PCDHGC3: variants seen among roughly 807,000 people sequenced by gnomAD.
PCDHGC3 encodes protocadherin gamma subfamily C, 3.
PCDHGC3 carries 26 observed loss-of-function variants against 59.2 expected under a neutral mutation model. That is an observed-to-expected ratio of 0.44 (90% CI 0.32 to 0.61). PCDHGC3 has a LOEUF of 0.61. PCDHGC3 is among the 20% of genes least tolerant of loss of function. The pLI is 0.05. For missense variants in PCDHGC3, 1,080 were observed against 1,221.8 expected (o/e 0.88, Z 1.73); for synonymous variants, 487 against 519.7 (o/e 0.94, Z 0.86).
In PCDHGC3 at chr5:141,485,979, C is replaced by G; in HGVS notation, c.2430+7433C>G. 1 of 1,614,182 alleles carries G rather than the reference C, an allele frequency of 6.2e-7. No individual in the cohort carries two copies. Among genetic ancestry groups the G allele is most frequent in the Non-Finnish European group, 8.5e-7 (1 of 1,180,022 alleles). On this transcript the variant is annotated intron_variant, in intron 1 of 3. Coordinates refer to ENST00000308177, the MANE Select transcript of PCDHGC3 (RefSeq NM_002588.4). The surrounding 1 kb of genome is among the most constrained non-coding windows in gnomAD (Gnocchi z 5.7). ...CTCATCCAGCTCAATGCCTCAGACC[C>G]GGACCTGGGTCCCAGTGGTAACGTC...
At chr5:141,497,713 T>C (rs1357797720) in intron 2 of PCDHGC3, among the ~76,000 whole-genome samples, 3 of 152,084 alleles carry the variant, frequency 2.0e-5, no homozygotes, top group Non-Finnish European at 1.5e-5. Context: ...CTCATTTTTG[T>C]ATTTTTAGTA....
At chr5:141,494,181 C>T (rs2099752517) in intron 1 of PCDHGC3, among the ~76,000 whole-genome samples, 1 of 152,136 alleles carries the variant, frequency 6.6e-6, no homozygotes, top group Non-Finnish European at 1.5e-5. Flanking sequence ...GAGAAGTGTC[C>T]CGGGACTTGG....
intron 1 of PCDHGC3, among the ~76,000 whole-genome samples, chr5:141,484,389 G>A (rs1336850919): frequency 6.6e-6 from 1 of 152,140 alleles, no homozygotes; most frequent in Non-Finnish European, 1.5e-5. Flanking sequence ...GAATAAGAAA[G>A]GTTTGGTTTC....
rs951502238 is a variant in PCDHGC3 at position 141,478,263 on chromosome 5, A to G, written c.2147A>G (p.Lys716Arg). ...ACAGTGTTCGGAGTAATCATATTCA[A>G]AGTTTACAAGTGGAAGCAGTCTAGA... ...VVTVFGVIIF[K>R]VYKWKQSRDL... The change falls in exon 1 of 4, where the codon AAA (lysine) becomes AGA (arginine). Residue 716 changes from lysine (K) to arginine (R), a missense_variant. Lys to Arg is a conservative substitution (Grantham distance 26). Coordinates refer to ENST00000308177, the MANE Select transcript of PCDHGC3 (RefSeq NM_002588.4). The G allele has an allele frequency of 2.5e-6, 4 of 1,614,046 alleles. No individual in the cohort carries two copies. The African/African-American group carries it at 5.3e-5, about 22-fold the overall frequency.
rs891428609 is a variant in PCDHGC3, at chr5:141,503,553, C to T, written c.2490-1840C>T. Among the ~76,000 whole-genome samples the T allele has an allele frequency of 9.4e-5, 14 of 149,164 alleles. No homozygotes were observed. In the East Asian group the frequency reaches 2.2e-3, roughly 23 times the overall value. On this transcript the variant is annotated intron_variant, in intron 2 of 3. Coordinates refer to ENST00000308177, the MANE Select transcript of PCDHGC3 (RefSeq NM_002588.4). ...GGCAGAGGTTGCAGTGAGCCGAGAT[C>T]GCGCCACTGTACTCCAGCCTGGGTG...
chr5:141,487,750 T>A lies in PCDHGC3; in HGVS notation c.2431-7057T>A, dbSNP rs2099664307. On this transcript the variant is annotated intron_variant, in intron 1 of 3. Coordinates refer to ENST00000308177, the MANE Select transcript of PCDHGC3 (RefSeq NM_002588.4). The surrounding 1 kb of genome is among the most constrained non-coding windows in gnomAD (Gnocchi z 5.0). Reference sequence around the variant, plus strand: ...TCACCATTTTTGTAAGAGGTAACTATGTGGTAGACGCTGTGCTTTGTAACT... The same window carrying A: ...TCACCATTTTTGTAAGAGGTAACTAAGTGGTAGACGCTGTGCTTTGTAACT... 1 of 1,555,392 alleles carries A rather than the reference T, an allele frequency of 6.4e-7. No homozygotes were observed. Among genetic ancestry groups the A allele is most frequent in the African/African-American group, 1.4e-5 (1 of 73,376 alleles).
rs2099401367 is a variant in PCDHGC3 at position 141,476,906 on chromosome 5, G to C, written c.790G>C (p.Val264Leu). ...GGATGCACCCTCCGGCACGCGCGTG[G>C]TACAAGTCCTTGCAACGGATCTGGA... is the stretch of plus-strand genomic sequence containing the variant. ...LEDAPSGTRV[V>L]QVLATDLDEG... Residue 264 changes from valine (V) to leucine (L), a missense_variant, in exon 1 of 4, where the codon GTA becomes CTA. Val to Leu is a conservative substitution (Grantham distance 32). Coordinates refer to ENST00000308177, the MANE Select transcript of PCDHGC3 (RefSeq NM_002588.4). The surrounding 1 kb of genome is among the most constrained non-coding windows in gnomAD (Gnocchi z 7.6). 2 of 1,614,050 alleles carry C rather than the reference G, an allele frequency of 1.2e-6. No homozygotes were observed. The highest frequency in any genetic ancestry group is 1.7e-6 in the Non-Finnish European group (2 of 1,180,044).
In PCDHGC3 at chr5:141,489,950, A is replaced by C. The variant is rs1055715796; in HGVS notation, c.2431-4857A>C. 1 of 1,614,192 alleles carries C rather than the reference A, an allele frequency of 6.2e-7. No homozygotes were observed. The highest frequency in any genetic ancestry group is 1.3e-5 in the African/African-American group (1 of 75,060). ...TCTGTCATCGTGCTGGACATCAATG[A>C]TAATGCTCCAACCTTCCAATCCTCA... is the stretch of plus-strand genomic sequence containing the variant. On this transcript the variant is annotated intron_variant, in intron 1 of 3. Coordinates refer to ENST00000308177, the MANE Select transcript of PCDHGC3 (RefSeq NM_002588.4). The surrounding 1 kb of genome is among the most constrained non-coding windows in gnomAD (Gnocchi z 4.5).
chr5:141,498,971 GGGAAGGAAGGAAGGAAGGAAGGAAGGAA>G (rs201769957), intron 2 of PCDHGC3, among the ~76,000 whole-genome samples: 8 of 111,052 alleles, frequency 7.2e-5, no homozygotes, highest in South Asian at 3.8e-4. Flanking sequence ...GAGGGAGGGA[GGGAAGGAAGGAAGGAAGGAAGGAAGGAA>G]GGAAGGAAGG....
Position 141,476,935 on chromosome 5 carries a change from A to G in PCDHGC3, c.819A>G (p.Glu273=). The G allele has an allele frequency of 6.2e-7, 1 of 1,614,166 alleles. No homozygotes were observed. Among genetic ancestry groups the G allele is most frequent in the Non-Finnish European group, 8.5e-7 (1 of 1,180,046 alleles). Reference sequence around the variant, plus strand: ...AAGTCCTTGCAACGGATCTGGATGAAGGCCCCAACGGTGAAATTATTTACT... The same window carrying G: ...AAGTCCTTGCAACGGATCTGGATGAGGGCCCCAACGGTGAAATTATTTACT... The part of the protein sequence containing the change: ...VVQVLATDLD[E]GPNGEIIYSF... Residue 273 remains glutamate (E), a synonymous_variant, in exon 1 of 4, where the codon GAA becomes GAG. Transcript: ENST00000308177. This position sits in a 1 kb window ranked among gnomAD's most constrained non-coding sequence, Gnocchi z 7.6.
At position 141,487,728 on chromosome 5, in the gene PCDHGC3, C is replaced by T. The variant is rs986276637; in HGVS notation, c.2431-7079C>T. 2 of 1,570,444 alleles carry T rather than the reference C, an allele frequency of 1.3e-6. No homozygotes were observed. Among genetic ancestry groups the T allele is most frequent in the East Asian group, 2.3e-5 (1 of 42,866 alleles). ...TCAGTAAGTGCCCATAGTGATGTCA[C>T]CATTTTTGTAAGAGGTAACTATGTG... On this transcript the variant is annotated intron_variant, in intron 1 of 3. Coordinates refer to ENST00000308177, the MANE Select transcript of PCDHGC3 (RefSeq NM_002588.4). The surrounding 1 kb of genome is among the most constrained non-coding windows in gnomAD (Gnocchi z 5.0).
At chr5:141,480,722 C>T (rs1002559431) in intron 1 of PCDHGC3, among the ~76,000 whole-genome samples, 1 of 152,174 alleles carries the variant, frequency 6.6e-6, no homozygotes, top group African/African-American at 2.4e-5. Flanking sequence ...AAAGCACAGT[C>T]TCTGGGGGTG....
chr5:141,488,807 C>G (rs2099679535), intron 1 of PCDHGC3, among the ~76,000 whole-genome samples: 1 of 152,170 alleles, frequency 6.6e-6, no homozygotes, highest in Non-Finnish European at 1.5e-5. Flanking sequence ...TGAGTACCAT[C>G]TGAGCTGTCA....
intron 3 of PCDHGC3, among the ~76,000 whole-genome samples, chr5:141,509,907 C>T (rs149338646): frequency 3.3e-5 from 5 of 152,182 alleles, no homozygotes; most frequent in South Asian, 2.1e-4. Context: ...TTCCAGCATG[C>T]GCTTAGGTAC....
In PCDHGC3 at chr5:141,478,372, G is replaced by A. The variant is rs778468803; in HGVS notation, c.2256G>A (p.Met752Ile). The part of the protein sequence containing the change: ...LHADAVRGGL[M>I]SPHLYHQVYL... ...CGGACGCCGTGCGGGGAGGCCTGAT[G>A]TCGCCGCACCTTTACCATCAGGTGT... Residue 752 changes from methionine (M) to isoleucine (I), a missense_variant, in exon 1 of 4, where the codon ATG becomes ATA. Physicochemically the swap from Met to Ile is conservative, Grantham distance 10 (BLOSUM62 1). Transcript: ENST00000308177. 2 of 1,613,704 alleles carry A rather than the reference G, an allele frequency of 1.2e-6. No homozygotes were observed. Among genetic ancestry groups the A allele is most frequent in the Non-Finnish European group, 8.5e-7 (1 of 1,180,022 alleles).
Position 141,487,623 on chromosome 5 carries a change from CT to C in PCDHGC3, c.2431-7181del. 1 of 1,614,206 alleles carries C rather than the reference CT, an allele frequency of 6.2e-7. No homozygotes were observed. Among genetic ancestry groups the C allele is most frequent in the Non-Finnish European group, 8.5e-7 (1 of 1,180,044 alleles). On this transcript the variant is annotated intron_variant, in intron 1 of 3. Transcript: ENST00000308177. This position sits in a 1 kb window ranked among gnomAD's most constrained non-coding sequence, Gnocchi z 5.0. ...CTTCTCTATGGGCTAGAGGTGAGAC[CT>C]TTGCAGGCTCAACAAATGCTTGAGG...
In PCDHGC3 at chr5:141,486,866, G is replaced by A; in HGVS notation, c.2431-7941G>A. Reference sequence around the variant, plus strand: ...GGACCTCAATGACAATGCTCCAGCTGTGCTCCGTCCTCGGGCCCGGCCTGG... The same window carrying A: ...GGACCTCAATGACAATGCTCCAGCTATGCTCCGTCCTCGGGCCCGGCCTGG... On this transcript the variant is annotated intron_variant, in intron 1 of 3. Transcript: ENST00000308177. The surrounding 1 kb of genome is among the most constrained non-coding windows in gnomAD (Gnocchi z 5.0). 6.2e-7 allele frequency: 1 copy of A among 1,614,202 alleles called. No homozygotes were observed. The highest frequency in any genetic ancestry group is 8.5e-7 in the Non-Finnish European group (1 of 1,180,038).
At chr5:141,502,484 G>A (rs962659219) in intron 2 of PCDHGC3, among the ~76,000 whole-genome samples, 1 of 152,000 alleles carries the variant, frequency 6.6e-6, no homozygotes. Context: ...CATCACACTG[G>A]GACTCATCTA....
rs112078596 is a variant in PCDHGC3, at chr5:141,490,350, G to A, written c.2431-4457G>A. ...GCACACCAGTGGGCACAGTAGTGGG[G>A]TTGTTTAATGTGCGAGACCGGGACT... On this transcript the variant is annotated intron_variant, in intron 1 of 3. Coordinates refer to ENST00000308177, the MANE Select transcript of PCDHGC3 (RefSeq NM_002588.4). The surrounding 1 kb of genome is among the most constrained non-coding windows in gnomAD (Gnocchi z 5.4). 3.5e-5 allele frequency: 57 copies of A among 1,614,086 alleles called. No homozygotes were observed. The highest frequency in any genetic ancestry group is 4.6e-5 in the Non-Finnish European group (54 of 1,180,042).
Sources: allele counts gnomAD v4.1 joint callset (sites outside exome capture counted in the v4.1 genomes callset), GRCh38; gene constraint gnomAD v4.1.1; non-coding constraint Gnocchi (gnomAD v3.1); transcripts MANE v1.5; gene names NCBI Gene and HGNC (gene_info 2026-07-23, HGNC 2026-07-21).